LRRTM4: variants seen among roughly 807,000 people sequenced by gnomAD.
LRRTM4 encodes the protein leucine-rich repeat transmembrane neuronal protein 4.
In LRRTM4, 25 loss-of-function variants were observed where a neutral mutation model predicts 47.6. The observed-to-expected ratio is 0.53, with a 90% CI of 0.38 to 0.73. The LOEUF (loss-of-function observed/expected upper bound fraction) is 0.73, where lower values mean the gene tolerates loss of function less well. Among genes scored for constraint, LRRTM4 ranks in the 30% least tolerant of loss-of-function variants. The probability of loss-of-function intolerance (pLI) is 0.00; values close to 1 mark genes in which losing one functional copy is unlikely to be tolerated. For synonymous variants in LRRTM4, 311 were observed against 269.5 expected, an observed-to-expected ratio of 1.15 and a Z score of -1.51; for missense variants, 638 against 713.4, an observed-to-expected ratio of 0.89 and a Z score of 1.20.
chr2:76,803,217 C>T (rs1210070272), intron 3 of LRRTM4, among the ~76,000 whole-genome samples: 2 of 151,858 alleles, frequency 1.3e-5, no homozygotes, highest in Admixed American at 6.6e-5. Flanking sequence ...GGTTAATATC[C>T]AAAATATATA....
At chr2:76,835,640 A>C (rs72819230) in intron 3 of LRRTM4, among the ~76,000 whole-genome samples, 16,866 of 152,118 alleles carry the variant, frequency 0.11, 1,149 homozygotes, top group Non-Finnish European at 0.15. Flanking sequence ...TTCCTGAAAG[A>C]AAGCTCAATG....
chr2:77,008,467 G>A (rs904501372), intron 3 of LRRTM4, among the ~76,000 whole-genome samples: 2 of 152,158 alleles, frequency 1.3e-5, no homozygotes, highest in African/African-American at 4.8e-5. Flanking sequence ...ACTGTAGATA[G>A]TCTGATTTCA....
At chr2:77,457,285 A>G (rs1156955167) in intron 3 of LRRTM4, among the ~76,000 whole-genome samples, 1 of 151,816 alleles carries the variant, frequency 6.6e-6, no homozygotes, top group Non-Finnish European at 1.5e-5. Flanking sequence ...TTTATCTCTC[A>G]GTAAATGAGA....
chr2:77,228,466 C>G (rs1674874826), intron 3 of LRRTM4, among the ~76,000 whole-genome samples: 1 of 152,140 alleles, frequency 6.6e-6, no homozygotes, highest in African/African-American at 2.4e-5. Flanking sequence ...GGCATTTAAT[C>G]TTAAGCCTCT....
chr2:77,369,971 C>T (rs1192404113), intron 3 of LRRTM4, among the ~76,000 whole-genome samples: 1 of 151,774 alleles, frequency 6.6e-6, no homozygotes, highest in Non-Finnish European at 1.5e-5. Context: ...TGATGCATGA[C>T]TCTCTCTAAA....
intron 3 of LRRTM4, among the ~76,000 whole-genome samples, chr2:77,124,144 T>A (rs1049608829): frequency 2.6e-5 from 4 of 152,004 alleles, no homozygotes; most frequent in East Asian, 1.9e-4. Context: ...AGGAAAAAAA[T>A]TTAATCATAG....
intron 3 of LRRTM4, among the ~76,000 whole-genome samples, chr2:76,934,920 T>C (rs754596038): frequency 1.6e-4 from 25 of 152,152 alleles, no homozygotes; most frequent in Non-Finnish European, 3.1e-4. Flanking sequence ...AGTAAAACTT[T>C]GGAAAGTACT....
chr2:76,809,140 G>A (rs1670652072), intron 3 of LRRTM4, among the ~76,000 whole-genome samples: 1 of 152,108 alleles, frequency 6.6e-6, no homozygotes, highest in Non-Finnish European at 1.5e-5. Context: ...AGAAAATGAT[G>A]AAGAAAATCA....
At chr2:76,827,014 G>A (rs547732362) in intron 3 of LRRTM4, among the ~76,000 whole-genome samples, 108 of 151,910 alleles carry the variant, frequency 7.1e-4, no homozygotes, top group African/African-American at 2.5e-3. Flanking sequence ...CGTCCTTCTC[G>A]TGAAGAGAAT....
At chr2:76,767,884 A>AAC (rs1673520893) in intron 3 of LRRTM4, among the ~76,000 whole-genome samples, 1 of 152,200 alleles carries the variant, frequency 6.6e-6, no homozygotes, top group Non-Finnish European at 1.5e-5. Flanking sequence ...ATGACACGCA[A>AAC]ACCATCAGCA....
At chr2:77,017,467 A>G (rs1678108646) in intron 3 of LRRTM4, among the ~76,000 whole-genome samples, 1 of 152,124 alleles carries the variant, frequency 6.6e-6, no homozygotes, top group African/African-American at 2.4e-5. Context: ...TGCCTCAGAT[A>G]TCCCCTCCAT....
intron 3 of LRRTM4, among the ~76,000 whole-genome samples, chr2:77,487,571 GC>G (rs1677968056): frequency 6.6e-6 from 1 of 152,152 alleles, no homozygotes; most frequent in Admixed American, 6.5e-5. Context: ...GAGCCTGGGT[GC>G]CATGGATGGT....
chr2:76,795,965 G>A (rs903639410), intron 3 of LRRTM4, among the ~76,000 whole-genome samples: 2 of 150,314 alleles, frequency 1.3e-5, no homozygotes, highest in African/African-American at 4.9e-5. Context: ...CGCGCACCAT[G>A]TGCGAGCCGA....
In LRRTM4 at chr2:77,012,205, C is replaced by T. The variant is rs531283675; in HGVS notation, c.1552-263289G>A. Among the ~76,000 whole-genome samples the T allele has an allele frequency of 8.5e-5, 13 of 152,072 alleles. No homozygotes were observed. The South Asian group carries it at 2.3e-3, about 27-fold the overall frequency. On this transcript the variant is annotated intron_variant, in intron 3 of 3. Coordinates refer to ENST00000409884, the MANE Select transcript of LRRTM4 (RefSeq NM_001134745.3). ...CACCATAGGCAAGCAGGGAAGCTTA[C>T]TCAAGTATTTCTAGGTCCTGTCAAA...
chr2:77,233,376 A>T (rs1675017859), intron 3 of LRRTM4, among the ~76,000 whole-genome samples: 1 of 152,230 alleles, frequency 6.6e-6, no homozygotes, highest in South Asian at 2.1e-4. Context: ...GGGTTATAAC[A>T]GAAAAGTTGA....
chr2:77,320,376 T>A (rs925361657), intron 3 of LRRTM4, among the ~76,000 whole-genome samples: 1 of 152,228 alleles, frequency 6.6e-6, no homozygotes, highest in African/African-American at 2.4e-5. Flanking sequence ...TCCCACCTAA[T>A]AGACAATGGT....
intron 3 of LRRTM4, among the ~76,000 whole-genome samples, chr2:77,283,071 A>G (rs1188474567): frequency 6.6e-6 from 1 of 151,944 alleles, no homozygotes; most frequent in East Asian, 1.9e-4. Context: ...ATATTCACAA[A>G]CTATCCATCC....
At chr2:77,001,280 T>C (rs1677417297) in intron 3 of LRRTM4, among the ~76,000 whole-genome samples, 1 of 152,142 alleles carries the variant, frequency 6.6e-6, no homozygotes, top group Non-Finnish European at 1.5e-5. Flanking sequence ...CAGGCTTACC[T>C]TGTGAATTCT....
At chr2:76,750,197 G>A (rs1413805261) in intron 3 of LRRTM4, among the ~76,000 whole-genome samples, 1 of 152,210 alleles carries the variant, frequency 6.6e-6, no homozygotes, top group Non-Finnish European at 1.5e-5. Context: ...CACAGCAGCA[G>A]GTGCTGCCTC....
Sources: allele counts gnomAD v4.1 joint callset (sites outside exome capture counted in the v4.1 genomes callset), GRCh38; gene constraint gnomAD v4.1.1; transcripts MANE v1.5; gene names NCBI Gene and HGNC (gene_info 2026-07-23, HGNC 2026-07-21).